The following STK36 variants were observed in gnomAD, a reference collection of about 807,000 sequenced individuals.
The protein encoded by STK36 is serine/threonine kinase 36.
STK36 carries 116 observed loss-of-function variants against 142.2 expected under a neutral mutation model. That is an observed-to-expected ratio of 0.82 (90% CI 0.70 to 0.95). The LOEUF (loss-of-function observed/expected upper bound fraction) is 0.95, where lower values mean the gene tolerates loss of function less well. STK36 is among the 40% of genes least tolerant of loss of function. STK36 has a pLI of 0.00. For missense variants in STK36, 1,422 were observed against 1,617.2 expected (o/e 0.88, Z 2.07); for synonymous variants, 619 against 641.7 (o/e 0.96, Z 0.53).
chr2:218,673,747 C>T lies in STK36; in HGVS notation c.207C>T (p.Ser69=), dbSNP rs1575118903. The change falls in exon 3 of 27, where the codon AGC becomes AGT. Residue 69 remains serine, a synonymous_variant. Coordinates refer to ENST00000295709, the MANE Select transcript of STK36 (RefSeq NM_015690.5). ...RHPNIVHMLD[S]FETDKEVVVV... is the part of the protein sequence containing the mutation. ...CCAACATTGTGCATATGCTTGACAGCTTTGAAACTGATAAAGAGGTGTGCT... is the reference window on the plus strand; with the variant it reads ...CCAACATTGTGCATATGCTTGACAGTTTTGAAACTGATAAAGAGGTGTGCT... The T allele has an allele frequency of 6.2e-7, 1 of 1,614,002 alleles. No individual in the cohort carries two copies. Among genetic ancestry groups the T allele is most frequent in the Non-Finnish European group, 8.5e-7 (1 of 1,179,992 alleles).
intron 14 of STK36, among the ~76,000 whole-genome samples, chr2:218,691,368 A>G (rs554775926): frequency 1.3e-5 from 2 of 152,146 alleles, no homozygotes; most frequent in South Asian, 4.2e-4. Flanking sequence ...AATATCCCTC[A>G]CCCTTTCAAG....
At chr2:218,686,781 G>A (rs528909652) in intron 11 of STK36, among the ~76,000 whole-genome samples, 2 of 152,268 alleles carry the variant, frequency 1.3e-5, no homozygotes, top group South Asian at 4.1e-4. Context: ...GGGTAACTAC[G>A]TAGGAGTAGA....
Position 218,688,858 on chromosome 2 carries a change from G to A in STK36, c.1542G>A (p.Glu514=), listed in dbSNP as rs201277567. The A allele has an allele frequency of 8.0e-5, 129 of 1,610,862 alleles. 1 individual carries two copies. The East Asian group carries it at 1.5e-3, about 19-fold the overall frequency. Residue 514 remains glutamate, a synonymous_variant, in exon 12 of 27, where the codon GAG becomes GAA. Transcript: ENST00000295709. ...LLLSLLRHSQ[E]SNSLQQQSWY... ...TGAGTCTACTCAGGCACAGTCAGGA[G>A]AGCAACAGCCTCCAGCAGGTAAGCA...
chr2:218,672,604 C>T, intron 1 of STK36, 137 bp from the exon 2 acceptor site: 5 of 498,584 alleles, frequency 1.0e-5, no homozygotes, highest in Non-Finnish European at 1.8e-5. Context: ...GGAGGAACTA[C>T]AAAGAGAAGC....
chr2:218,695,288 C>T (rs566392218), intron 21 of STK36, among the ~76,000 whole-genome samples: 44 of 138,454 alleles, frequency 3.2e-4, no homozygotes, highest in Admixed American at 4.7e-4. Flanking sequence ...TGCCATGGCG[C>T]GATCTCGGCT....
intron 13 of STK36, 32 bp downstream of exon 13, chr2:218,689,988 A>G: frequency 6.5e-7 from 1 of 1,548,934 alleles, no homozygotes; most frequent in Non-Finnish European, 8.8e-7. Context: ...CATTGTTGGC[A>G]AGTTTGGCTT....
intron 14 of STK36, among the ~76,000 whole-genome samples, chr2:218,691,097 C>A (rs1299575825): frequency 6.6e-6 from 1 of 152,034 alleles, no homozygotes; most frequent in African/African-American, 2.4e-5. Context: ...TATTGTCTAA[C>A]CTCGTTTGTC....
At chr2:218,685,340 G>C (rs542173042) in intron 11 of STK36, 112 bp downstream of exon 11, 1 of 1,401,524 alleles carries the variant, frequency 7.1e-7, no homozygotes, top group Non-Finnish European at 9.8e-7. Flanking sequence ...CAGTTCTTCA[G>C]TCTATCTGCT....
At chr2:218,696,848 G>A in intron 22 of STK36, 191 bp from the exon 23 acceptor site, 1 of 943,126 alleles carries the variant, frequency 1.1e-6, no homozygotes, top group Non-Finnish European at 1.7e-6. Context: ...ACATACACAT[G>A]AGTTGTGAGG....
At position 218,673,734 on chromosome 2, in the gene STK36, A is replaced by C. The variant is rs768894566; in HGVS notation, c.194A>C (p.His65Pro). The C allele has an allele frequency of 1.2e-6, 2 of 1,614,192 alleles. No homozygotes were observed. The highest frequency in any genetic ancestry group is 1.1e-5 in the South Asian group (1 of 91,072). ...GGTCTGCGGCATCCCAACATTGTGC[A>C]TATGCTTGACAGCTTTGAAACTGAT... ...MRGLRHPNIV[H>P]MLDSFETDKE... The change falls in exon 3 of 27, where the codon CAT becomes CCT. Residue 65 changes from histidine to proline, a missense_variant. Physicochemically the swap from His to Pro is moderately conservative, Grantham distance 77 (BLOSUM62 -2). Transcript: ENST00000295709.
rs1203609728 is a variant in STK36 at position 218,692,706 on chromosome 2, A to G, written c.2039A>G (p.Glu680Gly). 6.2e-7 allele frequency: 1 copy of G among 1,611,822 alleles called. No homozygotes were observed. Residue 680 changes from glutamate to glycine, a missense_variant, in exon 16 of 27, where the codon GAG becomes GGG. This residue lies in a region of STK36 where 962 missense variants were observed against 1,167.5 expected (regional missense o/e 0.82). Transcript: ENST00000295709. ...VGLPDCWDAK[E>G]QVCWHLANQL... ...CTGCCCGACTGCTGGGATGCCAAGGAGCAGGTCCGAGCTACAATTGGTTGT... is the reference window on the plus strand; with the variant it reads ...CTGCCCGACTGCTGGGATGCCAAGGGGCAGGTCCGAGCTACAATTGGTTGT...
At chr2:218,675,709 A>C (rs2106343486) in intron 5 of STK36, among the ~76,000 whole-genome samples, 1 of 152,084 alleles carries the variant, frequency 6.6e-6, no homozygotes, top group African/African-American at 2.4e-5. Context: ...TTTTTAGTAG[A>C]GATGGGGTTT....
Position 218,694,451 on chromosome 2 carries a change from C to T in STK36, c.2401-74C>T. The T allele has an allele frequency of 1.3e-6, 2 of 1,528,818 alleles. No homozygotes were observed. Among genetic ancestry groups the T allele is most frequent in the East Asian group, 2.3e-5 (1 of 44,388 alleles). 94.7% of individuals were successfully genotyped at this position (1,528,818 alleles called of 1,614,324 possible). On this transcript the variant is annotated intron_variant, in intron 20 of 26. Coordinates refer to ENST00000295709, the MANE Select transcript of STK36 (RefSeq NM_015690.5). This position sits in a 1 kb window ranked among gnomAD's most constrained non-coding sequence, Gnocchi z 4.4. Reference sequence around the variant, plus strand: ...GCATTCTTTTGGACCAGGACAGAGACATAAATCCTCTCTGCCTGTCCTGAA... The same window carrying T: ...GCATTCTTTTGGACCAGGACAGAGATATAAATCCTCTCTGCCTGTCCTGAA...
Position 218,675,454 on chromosome 2 carries a change from A to G in STK36, c.415A>G (p.Ile139Val), listed in dbSNP as rs202080938. 17 of 1,611,772 alleles carry G rather than the reference A, an allele frequency of 1.1e-5. No individual in the cohort carries two copies. The highest frequency in any genetic ancestry group is 5.5e-5 in the South Asian group (5 of 91,020). Residue 139 changes from isoleucine (I) to valine (V), a missense_variant, in exon 5 of 27, where the codon ATC becomes GTC. Ile to Val is a conservative substitution (Grantham distance 29, BLOSUM62 3). This residue lies in a region of STK36 where 460 missense variants were observed against 449.6 expected (regional missense o/e 1.02). Coordinates refer to ENST00000295709, the MANE Select transcript of STK36 (RefSeq NM_015690.5). ...CATCCTCCTCGCCAAGGGTGGTGGC[A>G]TCAAGCTCTGTGACTTTGGGTAAAG... ...QNILLAKGGG[I>V]KLCDFGFARA...
In STK36 at chr2:218,698,707, G is replaced by C. The variant is rs1333388880; in HGVS notation, c.3163G>C (p.Val1055Leu). The change falls in exon 26 of 27, where the codon GTG (valine) becomes CTG (leucine). Residue 1055 changes from valine (V) to leucine (L), a missense_variant. Physicochemically the swap from Val to Leu is conservative, Grantham distance 32. Coordinates refer to ENST00000295709, the MANE Select transcript of STK36 (RefSeq NM_015690.5). ...CTCTCTCAACCAGTTTGTGAACACA[G>C]TGTCTGCCTCCCCTAGAACCATCGT... Reference protein sequence around the residue: ...PTSLNQFVNTVSASPRTIVSF... With the variant: ...PTSLNQFVNTLSASPRTIVSF... The C allele has an allele frequency of 1.2e-6, 2 of 1,614,084 alleles. No individual in the cohort carries two copies. The highest frequency in any genetic ancestry group is 2.7e-5 in the African/African-American group (2 of 74,924).
chr2:218,694,373 T>A lies in STK36; in HGVS notation c.2400+46T>A, dbSNP rs776875731. 1 of 1,575,052 alleles carries A rather than the reference T, an allele frequency of 6.3e-7. No homozygotes were observed. The highest frequency in any genetic ancestry group is 8.7e-7 in the Non-Finnish European group (1 of 1,144,636). ...CTCCTCCCCTTTTCACCCTAGCATC[T>A]ACCCCTTGTGGAAGTGGGGGAGTCA... On this transcript the variant is annotated intron_variant, in intron 20 of 26. Transcript: ENST00000295709. The surrounding 1 kb of genome is among the most constrained non-coding windows in gnomAD (Gnocchi z 4.4).
At chr2:218,679,760 G>T in intron 8 of STK36, 31 bp downstream of exon 8, 1 of 1,613,680 alleles carries the variant, frequency 6.2e-7, no homozygotes, top group South Asian at 1.1e-5. Context: ...TATGTGAAAT[G>T]ACCAGGCTAG....
Position 218,685,094 on chromosome 2 carries a change from A to G in STK36, c.1246A>G (p.Ser416Gly), listed in dbSNP as rs200109583. ...CTCCCCTCTGCCTCAGGAGCCAGAC[A>G]GTGACAATGAGTGGCAGCACCTGCT... ...VVDLENEEPD[S>G]DNEWQHLLET... Residue 416 changes from serine (S) to glycine (G), a missense_variant, in exon 11 of 27, where the codon AGT becomes GGT. Physicochemically the swap from Ser to Gly is moderately conservative, Grantham distance 56. Transcript: ENST00000295709. The G allele has an allele frequency of 1.4e-5, 22 of 1,614,130 alleles. No homozygotes were observed. In the East Asian group the frequency reaches 4.7e-4, roughly 34 times the overall value.
intron 12 of STK36, among the ~76,000 whole-genome samples, chr2:218,689,430 T>TG (rs1019228043): frequency 8.5e-5 from 13 of 152,158 alleles, no homozygotes; most frequent in Non-Finnish European, 1.8e-4. Context: ...TCAATGTGTT[T>TG]GGGGCCAAAC....
Sources: allele counts gnomAD v4.1 joint callset (sites outside exome capture counted in the v4.1 genomes callset), GRCh38; gene constraint gnomAD v4.1.1; regional missense constraint gnomAD v4.1.1; non-coding constraint Gnocchi (gnomAD v3.1); transcripts MANE v1.5; gene names NCBI Gene and HGNC (gene_info 2026-07-23, HGNC 2026-07-21).